Variants in PARVG observed in about 807,000 individuals in gnomAD.
PARVG encodes the protein parvin gamma, also known as gamma-parvin.
PARVG carries 36 observed loss-of-function variants against 44.4 expected under a neutral mutation model. The ratio of observed to expected loss-of-function variants is 0.81; its 90% confidence interval spans 0.62 to 1.07. The LOEUF is 1.07. PARVG is among the 50% of genes least tolerant of loss of function. The pLI is 0.00. For synonymous variants in PARVG, 170 were observed against 174.1 expected, an observed-to-expected ratio of 0.98 and a Z score of 0.19; for missense variants, 407 against 407.4, an observed-to-expected ratio of 1.00 and a Z score of 0.01.
chr22:44,206,855 A>C lies in PARVG; in HGVS notation c.*429A>C, dbSNP rs895366474. On this transcript the variant is annotated 3_prime_UTR_variant, in exon 14 of 14. Transcript: ENST00000444313. Reference sequence around the variant, plus strand: ...CCCACCTTTTCCAGCCCAGCTCCCCACACCCACCTGCTTCTCACTCGGGAG... The same window carrying C: ...CCCACCTTTTCCAGCCCAGCTCCCCCCACCCACCTGCTTCTCACTCGGGAG... 28 of 192,846 alleles carry C rather than the reference A, an allele frequency of 1.5e-4. No individual in the cohort carries two copies. Among genetic ancestry groups the C allele is most frequent in the Non-Finnish European group, 2.1e-4 (20 of 95,120 alleles). The allele number at this position is 192,846 out of a possible 1,614,324, so 11.9% of individuals were successfully genotyped here.
chr22:44,180,757 T>C (rs1569176338), upstream of PARVG: 1 of 167,336 alleles, frequency 6.0e-6, no homozygotes, highest in Non-Finnish European at 1.2e-5. Context: ...TGTCATTTTT[T>C]ATTAACTTCT....
At chr22:44,198,961 T>TCCATCCACCCACCCACCCACCCACCCAC (rs1569186534) in intron 12 of PARVG, among the ~76,000 whole-genome samples, 1 of 73,564 alleles carries the variant, frequency 1.4e-5, no homozygotes, top group Non-Finnish European at 3.5e-5. Flanking sequence ...CATCCATCCA[T>TCCATCCACCCACCCACCCACCCACCCAC]CCATCCATCC....
At chr22:44,201,666 C>G (rs1316689220) in intron 12 of PARVG, among the ~76,000 whole-genome samples, 2 of 152,222 alleles carry the variant, frequency 1.3e-5, no homozygotes, top group Non-Finnish European at 2.9e-5. Flanking sequence ...CTTAACAAAC[C>G]ACCCGAAAAC....
intron 11 of PARVG, among the ~76,000 whole-genome samples, chr22:44,197,212 C>G (rs1336859257): frequency 1.3e-5 from 2 of 152,136 alleles, no homozygotes; most frequent in Non-Finnish European, 2.9e-5. Context: ...CTCAGAGAGA[C>G]TCTGGATGGG....
At chr22:44,199,962 C>T (rs971232139) in intron 12 of PARVG, among the ~76,000 whole-genome samples, 1 of 152,126 alleles carries the variant, frequency 6.6e-6, no homozygotes, top group Admixed American at 6.5e-5. Context: ...AGGGCTGTGG[C>T]TTGACCTGGG....
At chr22:44,198,922 CTACCCATCCATCCAT>C (rs2054658087) in intron 12 of PARVG, among the ~76,000 whole-genome samples, 200 bp downstream of exon 12, 11 of 90,316 alleles carry the variant, frequency 1.2e-4, no homozygotes, top group Admixed American at 2.4e-4. Flanking sequence ...ATCCATCCAT[CTACCCATCCATCCAT>C]CCACCCACCC....
At chr22:44,199,708 G>A (rs1027817995) in intron 12 of PARVG, among the ~76,000 whole-genome samples, 2 of 152,214 alleles carry the variant, frequency 1.3e-5, no homozygotes, top group African/African-American at 4.8e-5. Flanking sequence ...TCAGAGGGGA[G>A]CCGGGAAGTT....
In PARVG at chr22:44,192,265, C is replaced by T. The variant is rs569136055; in HGVS notation, c.560+161C>T. On this transcript the variant is annotated intron_variant, in intron 8 of 13. Coordinates refer to ENST00000444313, the MANE Select transcript of PARVG (RefSeq NM_022141.7). ...AAATGCTGCGCTGACCTCTCAATCC[C>T]ACGGCAGCACACAGGACCCCTTTCT... 29 of 729,986 alleles carry T rather than the reference C, an allele frequency of 4.0e-5. No individual in the cohort carries two copies. The South Asian group carries it at 4.5e-4, about 11-fold the overall frequency. 45.2% of individuals were successfully genotyped at this position (729,986 alleles called of 1,614,324 possible). A position where few individuals can be genotyped will look rare whatever the true frequency, so the allele number is the denominator to read the frequency against.
At chr22:44,201,794 G>T (rs573444734) in intron 12 of PARVG, among the ~76,000 whole-genome samples, 1 of 152,130 alleles carries the variant, frequency 6.6e-6, no homozygotes, top group South Asian at 2.1e-4. Flanking sequence ...GGATCAGGCT[G>T]TCGTGGCTGG....
Position 44,183,328 on chromosome 22 carries a change from C to T in PARVG, c.-2C>T, listed in dbSNP as rs142913657. The T allele has an allele frequency of 4.0e-5, 65 of 1,608,390 alleles. No individual in the cohort carries two copies. The highest frequency in any genetic ancestry group is 1.9e-4 in the African/African-American group (14 of 74,948). On this transcript the variant is annotated 5_prime_UTR_variant, in exon 3 of 14. Coordinates refer to ENST00000444313, the MANE Select transcript of PARVG (RefSeq NM_022141.7). ...GCCTCCTCTGTGCAGGCTTGGGAGG[C>T]GATGGAGCCGGAGTTCTTGTACGAC...
At chr22:44,186,647 G>A (rs753949582) in intron 4 of PARVG, 1 of 471,186 alleles carries the variant, frequency 2.1e-6, no homozygotes, top group Non-Finnish European at 4.4e-6. Flanking sequence ...ACCTGGTGAG[G>A]TGCTGACATG....
intron 9 of PARVG, among the ~76,000 whole-genome samples, chr22:44,194,632 G>GTCCA (rs1402388766): frequency 1.5e-5 from 2 of 137,444 alleles, no homozygotes; most frequent in Non-Finnish European, 1.6e-5. Context: ...TCCATCACCT[G>GTCCA]TCCATCCATC....
chr22:44,200,654 C>G (rs1178221909), intron 12 of PARVG, among the ~76,000 whole-genome samples: 2 of 152,186 alleles, frequency 1.3e-5, no homozygotes, highest in African/African-American at 4.8e-5. Context: ...GCAGCAGTAG[C>G]TTTTTCTAAA....
chr22:44,181,629 G>GAA, intron 1 of PARVG, 113 bp from the exon 2 acceptor site: 1 of 829,274 alleles, frequency 1.2e-6, no homozygotes. Context: ...GTGGCCTGCA[G>GAA]AACCCCGGGG....
chr22:44,185,934 T>C (rs564744483), intron 4 of PARVG, 62 bp downstream of exon 4: 2 of 1,519,436 alleles, frequency 1.3e-6, no homozygotes, highest in Non-Finnish European at 9.1e-7. Flanking sequence ...GGCAGCGGCC[T>C]CCACGGGGCG....
rs560297868 is a variant in PARVG, at chr22:44,173,116, G to A, written c.-264G>A. On this transcript the variant is annotated 5_prime_UTR_variant, in exon 1 of 14. Transcript: ENST00000422871. ...GAAGAGCTGGTTCACAGCCCTTTGT[G>A]GGGGATGGGACTTTGGGAACCCCAA... 3.1e-6 allele frequency: 4 copies of A among 1,289,344 alleles called. No individual in the cohort carries two copies. In the East Asian group the frequency reaches 2.2e-4, roughly 72 times the overall value. The allele number at this position is 1,289,344 out of a possible 1,614,324, so 79.9% of individuals were successfully genotyped here.
chr22:44,181,497 C>A (rs2054376308), intron 1 of PARVG: 1 of 730,926 alleles, frequency 1.4e-6, no homozygotes, highest in Non-Finnish European at 1.7e-6. Flanking sequence ...TGGTGGGTTG[C>A]GGGGGTCGAC....
At chr22:44,201,911 A>G (rs911897603) in intron 12 of PARVG, among the ~76,000 whole-genome samples, 6 of 152,242 alleles carry the variant, frequency 3.9e-5, no homozygotes, top group Non-Finnish European at 4.4e-5. Flanking sequence ...ACCAGGCAGA[A>G]GGCATGAGGC....
At chr22:44,200,801 C>A (rs1480754862) in intron 12 of PARVG, among the ~76,000 whole-genome samples, 1 of 152,166 alleles carries the variant, frequency 6.6e-6, no homozygotes, top group Non-Finnish European at 1.5e-5. Context: ...CTTGGCCTAT[C>A]TGGGGCCCAG....
Sources: gnomAD v4.1 joint callset for allele counts (sites outside exome capture counted in the v4.1 genomes callset) on GRCh38, gnomAD v4.1.1 for gene constraint, MANE v1.5 for transcripts, NCBI Gene and HGNC (gene_info 2026-07-23, HGNC 2026-07-21) for gene names.